DNAH14: variants seen among roughly 807,000 people sequenced by gnomAD.
The protein encoded by DNAH14 is axonemal beta dynein heavy chain 14.
Under a neutral mutation model 520.9 loss-of-function variants are expected in DNAH14, and 478 were observed. The ratio of observed to expected loss-of-function variants is 0.92; its 90% CI spans 0.85 to 0.99. DNAH14 has a LOEUF of 0.99. DNAH14 is among the 50% of genes least tolerant of loss of function. The pLI, the probability that DNAH14 is intolerant of heterozygous loss-of-function variation, is 0.00. For missense variants in DNAH14, 4,831 were observed against 5,234.5 expected (o/e 0.92, Z 2.38); for synonymous variants, 1,581 against 1,757.2 (o/e 0.90, Z 2.51).
At chr1:224,951,140 C>T (rs2060144896) in intron 1 of DNAH14, among the ~76,000 whole-genome samples, 1 of 152,114 alleles carries the variant, frequency 6.6e-6, no homozygotes, top group South Asian at 2.1e-4. Context: ...ATTTGCCTGC[C>T]TCAGTCTCTC....
rs1393517954 is a variant in DNAH14 at position 224,974,065 on chromosome 1, A to T, written c.768-26A>T. ...ATAAATACGTGGTTTATGGATATGG[A>T]ATATAAGAAGCATTTTTCCTTTCAG... On this transcript the variant is annotated intron_variant, in intron 7 of 85. Coordinates refer to ENST00000682510, the MANE Select transcript of DNAH14 (RefSeq NM_001367479.1). 2.1e-6 allele frequency: 3 copies of T among 1,443,128 alleles called. No individual in the cohort carries two copies. The East Asian group carries it at 7.8e-5, about 37-fold the overall frequency. 89.4% of individuals were successfully genotyped at this position (1,443,128 alleles called of 1,614,324 possible).
chr1:225,334,908 G>GTGTATA (rs58202867), intron 66 of DNAH14, among the ~76,000 whole-genome samples: 3 of 146,464 alleles, frequency 2.0e-5, no homozygotes, highest in South Asian at 2.2e-4. Context: ...GTGTGTGTGT[G>GTGTATA]TATATGTATA....
At chr1:225,322,085 C>CTTTTTTTTTTTTTT in intron 61 of DNAH14, among the ~76,000 whole-genome samples, 278 of 90,178 alleles carry the variant, frequency 3.1e-3, no homozygotes, top group Non-Finnish European at 4.0e-3. Flanking sequence ...TTTTTTCTTT[C>CTTTTTTTTTTTTTT]TTTTTTTTTT....
At chr1:225,252,181 T>G in intron 43 of DNAH14, 120 bp from the exon 44 acceptor site, 1 of 689,824 alleles carries the variant, frequency 1.4e-6, no homozygotes, top group Non-Finnish European at 2.6e-6. Context: ...GATATACCCT[T>G]GGTGAATACT....
chr1:225,097,263 A>G, intron 22 of DNAH14, 24 bp downstream of exon 22: 1 of 1,518,414 alleles, frequency 6.6e-7, no homozygotes, highest in Non-Finnish European at 8.8e-7. Flanking sequence ...AATATACCAT[A>G]TACAGGTTCA....
chr1:225,038,825 T>G lies in DNAH14; in HGVS notation c.1488+2T>G. 6.8e-7 allele frequency: 1 copy of G among 1,476,188 alleles called. No individual in the cohort carries two copies. The highest frequency in any genetic ancestry group is 9.0e-7 in the Non-Finnish European group (1 of 1,114,562). 91.4% of individuals were successfully genotyped at this position (1,476,188 alleles called of 1,614,324 possible). On this transcript the variant is annotated splice_donor_variant, in intron 12 of 85. Coordinates refer to ENST00000682510, the MANE Select transcript of DNAH14 (RefSeq NM_001367479.1). LOFTEE classifies it high-confidence loss of function. ...AAAACAGACACTGATATTAATGAGG[T>G]AAAATGATCTTTGAAAAATATAAAC...
intron 66 of DNAH14, among the ~76,000 whole-genome samples, chr1:225,335,121 G>C (rs943004887): frequency 6.9e-6 from 1 of 144,628 alleles, no homozygotes; most frequent in African/African-American, 2.6e-5. Flanking sequence ...ATATATACAT[G>C]TGTACATATG....
chr1:225,170,564 C>G (rs968232371), intron 36 of DNAH14, among the ~76,000 whole-genome samples: 2 of 152,044 alleles, frequency 1.3e-5, no homozygotes, highest in African/African-American at 4.8e-5. Flanking sequence ...AACAAGAAGA[C>G]CTAACTATCC....
intron 23 of DNAH14, among the ~76,000 whole-genome samples, chr1:225,111,872 A>G (rs1261356975): frequency 6.6e-6 from 1 of 152,118 alleles, no homozygotes; most frequent in Non-Finnish European, 1.5e-5. Flanking sequence ...TAAATTGGTG[A>G]CAACTTAACA....
intron 27 of DNAH14, among the ~76,000 whole-genome samples, chr1:225,132,976 A>T (rs1241725739): frequency 1.3e-5 from 2 of 152,136 alleles, no homozygotes; most frequent in African/African-American, 4.8e-5. Context: ...AACAATTAGT[A>T]ATGTTGAGGT....
intron 3 of DNAH14, 25 bp from the exon 4 acceptor site, chr1:224,960,128 C>A (rs1254000092): frequency 6.5e-7 from 1 of 1,539,468 alleles, no homozygotes; most frequent in Non-Finnish European, 8.7e-7. Context: ...ACTAGTTATT[C>A]AGTTAATAAT....
chr1:225,107,839 C>T (rs529948488), intron 23 of DNAH14, among the ~76,000 whole-genome samples: 3 of 152,274 alleles, frequency 2.0e-5, no homozygotes, highest in African/African-American at 7.2e-5. Context: ...GCCATTTTAA[C>T]TGAAGTGAGA....
intron 20 of DNAH14, among the ~76,000 whole-genome samples, chr1:225,085,314 G>A (rs1386125020): frequency 2.6e-5 from 4 of 152,068 alleles, no homozygotes; most frequent in Admixed American, 6.5e-5. Flanking sequence ...GAGGAAAGTT[G>A]GAAATTTTCA....
At chr1:224,940,477 T>C (rs1466922245) in intron 1 of DNAH14, among the ~76,000 whole-genome samples, 2 of 152,170 alleles carry the variant, frequency 1.3e-5, no homozygotes, top group Non-Finnish European at 2.9e-5. Context: ...AGCTTGTCTT[T>C]TTATTTTCTT....
chr1:225,190,053 C>T (rs2085225794), intron 37 of DNAH14, among the ~76,000 whole-genome samples: 1 of 151,932 alleles, frequency 6.6e-6, no homozygotes, highest in Non-Finnish European at 1.5e-5. Context: ...AGTACCTCAG[C>T]TTGTATCTCC....
At chr1:225,250,614 A>C (rs559176480) in intron 43 of DNAH14, 157 of 480,854 alleles carry the variant, frequency 3.3e-4, no homozygotes, top group African/African-American at 2.9e-3. Flanking sequence ...TTATACTCAC[A>C]GGTTCCTGAA....
At chr1:225,005,717 A>G (rs1572400285) in intron 9 of DNAH14, among the ~76,000 whole-genome samples, 1 of 152,118 alleles carries the variant, frequency 6.6e-6, no homozygotes, top group African/African-American at 2.4e-5. Flanking sequence ...TAAAAGATAA[A>G]CATATCTGTA....
At chr1:225,360,254 G>T (rs1450455382) in intron 74 of DNAH14, among the ~76,000 whole-genome samples, 3 of 152,144 alleles carry the variant, frequency 2.0e-5, no homozygotes, top group African/African-American at 7.2e-5. Context: ...TCATTGATGG[G>T]CATTTGGGTT....
Position 225,100,832 on chromosome 1 carries a change from A to C in DNAH14, c.3815A>C (p.Glu1272Ala), listed in dbSNP as rs3105571. ...LQITTSAGVL[E>A]ILQNCNIHLE... The stretch of plus-strand genomic sequence containing the variant: ...ATAACCACTTCTGCAGGAGTCCTTG[A>C]AATTCTGCAAAATTGTAATATACAT... The change falls in exon 23 of 86, where the codon GAA (glutamate) becomes GCA (alanine). Residue 1272 changes from glutamate (E) to alanine (A), a missense_variant. Coordinates refer to ENST00000682510, the MANE Select transcript of DNAH14 (RefSeq NM_001367479.1). The C allele has an allele frequency of 0.053, 80,737 of 1,529,970 alleles. 3,830 individuals carry two copies. The highest frequency in any genetic ancestry group is 0.24 in the East Asian group (9,787 of 40,376). 94.8% of individuals were successfully genotyped at this position (1,529,970 alleles called of 1,614,324 possible).
Sources: gnomAD v4.1 joint callset for allele counts (sites outside exome capture counted in the v4.1 genomes callset) on GRCh38, gnomAD v4.1.1 for gene constraint, MANE v1.5 for transcripts, NCBI Gene and HGNC (gene_info 2026-07-23, HGNC 2026-07-21) for gene names.